Variants in THSD7A observed in about 807,000 individuals in gnomAD.
THSD7A encodes the protein thrombospondin type-1 domain-containing protein 7A.
In THSD7A, 96 loss-of-function variants were observed where a neutral mutation model predicts 231.3. The observed-to-expected ratio is 0.41, with a 90% CI of 0.35 to 0.49. The LOEUF is 0.49. Among genes scored for constraint, THSD7A ranks in the 20% least tolerant of loss-of-function variants. The pLI, the probability that THSD7A is intolerant of heterozygous loss-of-function variation, is 0.05. For synonymous variants in THSD7A, 940 were observed against 743.3 expected, an observed-to-expected ratio of 1.26 and a Z score of -4.30; for missense variants, 2,290 against 2,070.2, an observed-to-expected ratio of 1.11 and a Z score of -2.06.
chr7:11,442,728 T>C (rs1784844843), intron 13 of THSD7A, among the ~76,000 whole-genome samples: 1 of 152,030 alleles, frequency 6.6e-6, no homozygotes, highest in Admixed American at 6.6e-5. Flanking sequence ...AGACTTTACT[T>C]TGAGTAATTA....
intron 1 of THSD7A, among the ~76,000 whole-genome samples, chr7:11,712,007 T>G (rs1045437041): frequency 4.6e-5 from 7 of 151,046 alleles, no homozygotes; most frequent in Admixed American, 1.3e-4. Context: ...AACACTCAGC[T>G]GAAACCTTCC....
chr7:11,474,651 C>A lies in THSD7A; in HGVS notation c.2018-83G>T. 1 of 1,135,404 alleles carries A rather than the reference C, an allele frequency of 8.8e-7. No homozygotes were observed. Among genetic ancestry groups the A allele is most frequent in the Non-Finnish European group, 1.2e-6 (1 of 811,246 alleles). The allele number at this position is 1,135,404 out of a possible 1,614,324, so 70.3% of individuals were successfully genotyped here. A position where few individuals can be genotyped will look rare whatever the true frequency, so the allele number is the denominator to read the frequency against. ...ACTCTGTTCTTTGGAATTAACATGG[C>A]TTAGAAATAAAAAGTGACTTTTCTT... On this transcript the variant is annotated intron_variant, in intron 7 of 27. Coordinates refer to ENST00000423059, the MANE Select transcript of THSD7A (RefSeq NM_015204.3). This position sits in a 1 kb window ranked among gnomAD's most constrained non-coding sequence, Gnocchi z 4.1.
At chr7:11,435,916 G>A (rs1338188150) in intron 13 of THSD7A, among the ~76,000 whole-genome samples, 1 of 151,950 alleles carries the variant, frequency 6.6e-6, no homozygotes, top group African/African-American at 2.4e-5. Flanking sequence ...CTTAACCTGT[G>A]AAGTTTGGCC....
At chr7:11,497,884 G>C (rs1280090100) in intron 6 of THSD7A, among the ~76,000 whole-genome samples, 3 of 152,116 alleles carry the variant, frequency 2.0e-5, no homozygotes, top group African/African-American at 7.2e-5. Context: ...CCCTGCCCAG[G>C]GAAGTGATGA....
intron 1 of THSD7A, among the ~76,000 whole-genome samples, chr7:11,728,155 C>T (rs1002212308): frequency 2.0e-5 from 3 of 151,914 alleles, no homozygotes; most frequent in Non-Finnish European, 4.4e-5. Flanking sequence ...GTTTCATGTG[C>T]ACATCAATTT....
intron 1 of THSD7A, among the ~76,000 whole-genome samples, chr7:11,676,914 G>C (rs929284558): frequency 2.6e-5 from 4 of 152,084 alleles, no homozygotes; most frequent in Non-Finnish European, 5.9e-5. Context: ...AGGAAATACA[G>C]AGAACACCAC....
At chr7:11,393,770 T>C (rs942665212) in intron 23 of THSD7A, among the ~76,000 whole-genome samples, 5 of 152,120 alleles carry the variant, frequency 3.3e-5, no homozygotes, top group African/African-American at 9.6e-5. Context: ...ATATCAGAGA[T>C]TGAAGATCAA....
chr7:11,430,711 T>G (rs147969159), intron 13 of THSD7A, among the ~76,000 whole-genome samples: 27 of 152,284 alleles, frequency 1.8e-4, no homozygotes, highest in African/African-American at 6.0e-4. Flanking sequence ...TGGCCTCAAG[T>G]GATCCTTGGC....
intron 1 of THSD7A, among the ~76,000 whole-genome samples, chr7:11,825,130 G>C (rs1288912585): frequency 6.6e-6 from 1 of 151,954 alleles, no homozygotes; most frequent in African/African-American, 2.4e-5. Flanking sequence ...TAAAATTTCT[G>C]CAACTTATGT....
chr7:11,433,236 G>A (rs1357624701), intron 13 of THSD7A, among the ~76,000 whole-genome samples: 1 of 151,984 alleles, frequency 6.6e-6, no homozygotes, highest in Non-Finnish European at 1.5e-5. Flanking sequence ...ATGCTTTGGG[G>A]TGGAGAAATA....
At chr7:11,495,613 T>C (rs1291597041) in intron 6 of THSD7A, among the ~76,000 whole-genome samples, 1 of 152,130 alleles carries the variant, frequency 6.6e-6, no homozygotes, top group East Asian at 1.9e-4. Context: ...GATACTGCTC[T>C]CTAGAAGCCA....
At chr7:11,711,087 T>C (rs1780946449) in intron 1 of THSD7A, among the ~76,000 whole-genome samples, 1 of 150,944 alleles carries the variant, frequency 6.6e-6, no homozygotes, top group African/African-American at 2.4e-5. Context: ...CCTGATAGTG[T>C]CTTCTTTTAT....
intron 2 of THSD7A, among the ~76,000 whole-genome samples, chr7:11,602,130 G>A (rs1780572986): frequency 6.6e-6 from 1 of 151,996 alleles, no homozygotes; most frequent in South Asian, 2.1e-4. Flanking sequence ...CTTGCCCAAA[G>A]GAGAACTTAG....
In THSD7A at chr7:11,446,208, T is replaced by C. The variant is rs1231986023; in HGVS notation, c.2917A>G (p.Ile973Val). The C allele has an allele frequency of 1.9e-6, 3 of 1,613,430 alleles. No homozygotes were observed. Among genetic ancestry groups the C allele is most frequent in the African/African-American group, 1.3e-5 (1 of 74,894 alleles). Residue 973 changes from isoleucine to valine, a missense_variant, in exon 13 of 28, where the codon ATT becomes GTT. Transcript: ENST00000423059. This position sits in a 1 kb window ranked among gnomAD's most constrained non-coding sequence, Gnocchi z 4.0. The part of the protein sequence containing the change: ...AQPVGNWSDC[I>V]LPEGKVEVLL... ...ACTTCCACTTTTCCCTCTGGTAAAA[T>C]ACAGTCTGACCAGTTCCCCACAGGT...
Position 11,474,644 on chromosome 7 carries a change from A to G in THSD7A, c.2018-76T>C. The G allele has an allele frequency of 8.4e-7, 1 of 1,191,412 alleles. No individual in the cohort carries two copies. The highest frequency in any genetic ancestry group is 2.5e-5 in the East Asian group (1 of 40,212). 73.8% of individuals were successfully genotyped at this position (1,191,412 alleles called of 1,614,324 possible). On this transcript the variant is annotated intron_variant, in intron 7 of 27. Coordinates refer to ENST00000423059, the MANE Select transcript of THSD7A (RefSeq NM_015204.3). The surrounding 1 kb of genome is among the most constrained non-coding windows in gnomAD (Gnocchi z 4.1). ...TTACCATACTCTGTTCTTTGGAATT[A>G]ACATGGCTTAGAAATAAAAAGTGAC...
rs1781830710 is a variant in THSD7A at position 11,636,066 on chromosome 7, T to A, written c.1022+64A>T. ...CCAGAAGTTATTAGATAGTACCGGA[T>A]ATCTTAGGTACTCATGATTCTTGAC... On this transcript the variant is annotated intron_variant, in intron 2 of 27. Coordinates refer to ENST00000423059, the MANE Select transcript of THSD7A (RefSeq NM_015204.3). The surrounding 1 kb of genome is among the most constrained non-coding windows in gnomAD (Gnocchi z 10.0). 2.1e-6 allele frequency: 3 copies of A among 1,402,484 alleles called. No homozygotes were observed. Among genetic ancestry groups the A allele is most frequent in the Non-Finnish European group, 2.9e-6 (3 of 1,020,440 alleles). 86.9% of individuals were successfully genotyped at this position (1,402,484 alleles called of 1,614,324 possible).
At chr7:11,686,543 T>C (rs1780059858) in intron 1 of THSD7A, among the ~76,000 whole-genome samples, 2 of 151,834 alleles carry the variant, frequency 1.3e-5, no homozygotes, top group Non-Finnish European at 2.9e-5. Context: ...TGCATGTTAA[T>C]AACAGCACAA....
chr7:11,487,736 T>G (rs1013135890), intron 6 of THSD7A, among the ~76,000 whole-genome samples: 1 of 152,078 alleles, frequency 6.6e-6, no homozygotes, highest in African/African-American at 2.4e-5. Context: ...TGAAAAAAAC[T>G]ACCAGATCTC....
chr7:11,788,217 GCA>G (rs1303921923), intron 1 of THSD7A, among the ~76,000 whole-genome samples: 1 of 152,042 alleles, frequency 6.6e-6, no homozygotes. Flanking sequence ...CAGTAATGAT[GCA>G]GTCATTTTTA....
Sources: allele counts gnomAD v4.1 joint callset (sites outside exome capture counted in the v4.1 genomes callset), GRCh38; gene constraint gnomAD v4.1.1; non-coding constraint Gnocchi (gnomAD v3.1); transcripts MANE v1.5; gene names NCBI Gene and HGNC (gene_info 2026-07-23, HGNC 2026-07-21).